Variants in KHDRBS2 observed in about 807,000 individuals in gnomAD.
KHDRBS2 encodes the protein KH RNA binding domain containing, signal transduction associated 2.
Under a neutral mutation model 44.3 loss-of-function variants are expected in KHDRBS2, and 26 were observed. That is an observed-to-expected ratio of 0.59 (90% CI 0.43 to 0.81). The LOEUF (loss-of-function observed/expected upper bound fraction) is 0.81, where lower values mean the gene tolerates loss of function less well. KHDRBS2 is among the 40% of genes least tolerant of loss of function. The probability of loss-of-function intolerance (pLI) is 0.00; values close to 1 mark genes in which losing one functional copy is unlikely to be tolerated. For missense variants in KHDRBS2, 476 were observed against 433.1 expected (o/e 1.10, Z -0.88); for synonymous variants, 194 against 151.1 (o/e 1.28, Z -2.08).
chr6:61,687,413 C>A (rs529663460), intron 8 of KHDRBS2, among the ~76,000 whole-genome samples: 1 of 151,860 alleles, frequency 6.6e-6, no homozygotes, highest in East Asian at 1.9e-4. Flanking sequence ...TAAAATCTTA[C>A]CATGCACATG....
At chr6:62,217,851 T>C (rs1487363183) in intron 1 of KHDRBS2, among the ~76,000 whole-genome samples, 1 of 151,744 alleles carries the variant, frequency 6.6e-6, no homozygotes, top group African/African-American at 2.4e-5. Context: ...TTTAAATTAA[T>C]GATTGATTGA....
the KHDRBS2 span, among the ~76,000 whole-genome samples, chr6:61,663,502 T>TATATATATATATATATATATATATAC: frequency 4.0e-5 from 3 of 74,318 alleles, no homozygotes; most frequent in Non-Finnish European, 8.1e-5. Context: ...TGAGACACCA[T>TATATATATATATATATATATATATAC]ATATATATAT....
intron 6 of KHDRBS2, among the ~76,000 whole-genome samples, chr6:61,752,357 TC>T (rs1777827671): frequency 6.6e-6 from 1 of 152,152 alleles, no homozygotes; most frequent in Non-Finnish European, 1.5e-5. Flanking sequence ...ATGCTCAAGA[TC>T]TCACAGATTC....
intron 6 of KHDRBS2, among the ~76,000 whole-genome samples, chr6:61,873,771 C>A (rs987979050): frequency 6.6e-6 from 1 of 151,880 alleles, no homozygotes; most frequent in Non-Finnish European, 1.5e-5. Flanking sequence ...TTAAAATATG[C>A]ATAGTATGAG....
At chr6:61,989,692 G>A (rs1775760821) in intron 3 of KHDRBS2, among the ~76,000 whole-genome samples, 1 of 152,154 alleles carries the variant, frequency 6.6e-6, no homozygotes, top group Non-Finnish European at 1.5e-5. Context: ...GAGTTTTTCT[G>A]GGTTGGGAGA....
At chr6:61,744,113 A>AG (rs1183022973) in intron 6 of KHDRBS2, among the ~76,000 whole-genome samples, 3 of 152,262 alleles carry the variant, frequency 2.0e-5, no homozygotes, top group South Asian at 2.1e-4. Context: ...TAAAATGTAA[A>AG]GAACTATGCA....
intron 6 of KHDRBS2, among the ~76,000 whole-genome samples, chr6:61,793,524 AAGG>A (rs1331671475): frequency 2.6e-5 from 4 of 152,206 alleles, no homozygotes; most frequent in African/African-American, 9.6e-5. Context: ...AAATCAGGAT[AAGG>A]AGAAGTGAAA....
rs147803882 is a variant in KHDRBS2 at position 62,272,955 on chromosome 6, T to A, written c.91+12903A>T. Among the ~76,000 whole-genome samples, 462 of 152,258 alleles carry A rather than the reference T, an allele frequency of 3.0e-3. 4 individuals are homozygous for A. Among genetic ancestry groups the A allele is most frequent in the African/African-American group, 0.01 (423 of 41,574 alleles). Reference sequence around the variant, plus strand: ...GAGCAAAAGAAACAATATGCAGCTGTCATTACCTTTTCAGTTTAGAACTAA... The same window carrying A: ...GAGCAAAAGAAACAATATGCAGCTGACATTACCTTTTCAGTTTAGAACTAA... On this transcript the variant is annotated intron_variant, in intron 1 of 8. Transcript: ENST00000281156.
chr6:61,544,326 C>G, the KHDRBS2 span, among the ~76,000 whole-genome samples: 22 of 152,050 alleles, frequency 1.4e-4, no homozygotes, highest in African/African-American at 4.8e-4. Context: ...GTAGCTTCAG[C>G]AGATTTCATA....
At position 61,765,130 on chromosome 6, in the gene KHDRBS2, A is replaced by G. The variant is rs536775745; in HGVS notation, c.811-32366T>C. Among the ~76,000 whole-genome samples the G allele has an allele frequency of 1.1e-3, 173 of 152,276 alleles. 1 individual carries two copies. Among genetic ancestry groups the G allele is most frequent in the Non-Finnish European group, 1.7e-3 (118 of 68,016 alleles). ...ACTCATTGGTTTTAAAATGTGGTTCAACTTAAAGGGAATTTAGAAGTAACT... is the reference window on the plus strand; with the variant it reads ...ACTCATTGGTTTTAAAATGTGGTTCGACTTAAAGGGAATTTAGAAGTAACT... On this transcript the variant is annotated intron_variant, in intron 6 of 8. Transcript: ENST00000281156.
chr6:62,013,663 T>C (rs538358912), intron 3 of KHDRBS2, among the ~76,000 whole-genome samples: 257 of 152,314 alleles, frequency 1.7e-3, no homozygotes, highest in African/African-American at 5.5e-3. Flanking sequence ...CACTGTTCTA[T>C]GTGCTTTTGG....
chr6:61,697,913 A>C (rs1768096490), intron 7 of KHDRBS2, among the ~76,000 whole-genome samples: 1 of 151,982 alleles, frequency 6.6e-6, no homozygotes, highest in East Asian at 1.9e-4. Context: ...GCCTATTAGC[A>C]CTCCAAAGTC....
intron 4 of KHDRBS2, among the ~76,000 whole-genome samples, chr6:61,938,103 C>T (rs1367218884): frequency 6.6e-6 from 1 of 152,062 alleles, no homozygotes; most frequent in Non-Finnish European, 1.5e-5. Flanking sequence ...GTTTACAGCA[C>T]TGGAGTCTAG....
chr6:61,754,747 GA>G (rs968125685), intron 6 of KHDRBS2, among the ~76,000 whole-genome samples: 4 of 151,604 alleles, frequency 2.6e-5, no homozygotes, highest in South Asian at 2.1e-4. Flanking sequence ...CAGAAAAAAT[GA>G]AAAAAAGATA....
At chr6:61,831,359 TG>T (rs1791775970) in intron 6 of KHDRBS2, among the ~76,000 whole-genome samples, 1 of 151,978 alleles carries the variant, frequency 6.6e-6, no homozygotes. Context: ...AATGTGTGTG[TG>T]GTGTGTGTGT....
intron 4 of KHDRBS2, among the ~76,000 whole-genome samples, chr6:61,913,819 T>C (rs1489699528): frequency 6.6e-6 from 1 of 150,678 alleles, no homozygotes; most frequent in Non-Finnish European, 1.5e-5. Context: ...TCACTAGTCT[T>C]CCAGGTAAAT....
chr6:62,183,358 G>A (rs542147021), intron 1 of KHDRBS2, among the ~76,000 whole-genome samples: 2 of 151,496 alleles, frequency 1.3e-5, no homozygotes, highest in Admixed American at 1.3e-4. Context: ...TTAAATAAAT[G>A]AAGTGTTTCC....
At chr6:61,837,302 A>G (rs1792847449) in intron 6 of KHDRBS2, among the ~76,000 whole-genome samples, 1 of 152,048 alleles carries the variant, frequency 6.6e-6, no homozygotes, top group Non-Finnish European at 1.5e-5. Context: ...ATAATCCTGA[A>G]TATGAATGAT....
At chr6:62,076,913 T>C (rs1796451762) in intron 2 of KHDRBS2, among the ~76,000 whole-genome samples, 1 of 151,826 alleles carries the variant, frequency 6.6e-6, no homozygotes, top group Non-Finnish European at 1.5e-5. Context: ...GGTGTGGTGG[T>C]GGTACACCTG....
Sources: allele counts gnomAD v4.1 joint callset (sites outside exome capture counted in the v4.1 genomes callset), GRCh38; gene constraint gnomAD v4.1.1; transcripts MANE v1.5; gene names NCBI Gene and HGNC (gene_info 2026-07-23, HGNC 2026-07-21).